SAMTOR: variants seen among roughly 807,000 people sequenced by gnomAD.
SAMTOR encodes UPF0532 protein C7orf60.
chr7:112,905,157 C>G, the SAMTOR span, among the ~76,000 whole-genome samples: 3 of 152,330 alleles, frequency 2.0e-5, no homozygotes, highest in Admixed American at 2.0e-4. Flanking sequence ...TTACTCTGCC[C>G]TGCCTTGGCT....
chr7:112,902,319 T>C, the SAMTOR span, among the ~76,000 whole-genome samples: 2 of 149,816 alleles, frequency 1.3e-5, no homozygotes, highest in Admixed American at 6.7e-5. Context: ...GAAAATTGCT[T>C]GAACCGGGAG....
At chr7:112,880,318 T>C in the SAMTOR span, among the ~76,000 whole-genome samples, 1 of 151,842 alleles carries the variant, frequency 6.6e-6, no homozygotes, top group Non-Finnish European at 1.5e-5. Context: ...ACATAGTAAT[T>C]CCCCCCAAAA....
At chr7:112,905,176 AAAAGGTC>A in the SAMTOR span, among the ~76,000 whole-genome samples, 2 of 152,236 alleles carry the variant, frequency 1.3e-5, no homozygotes, top group East Asian at 3.9e-4. Flanking sequence ...CTTTTCCATA[AAAAGGTC>A]AATAACAGCT....
the SAMTOR span, among the ~76,000 whole-genome samples, chr7:112,909,958 T>C: frequency 6.6e-6 from 1 of 151,774 alleles, no homozygotes; most frequent in African/African-American, 2.4e-5. Context: ...TATCCACATG[T>C]TACTTTTCAA....
chr7:112,912,548 A>T, the SAMTOR span, among the ~76,000 whole-genome samples: 4 of 152,114 alleles, frequency 2.6e-5, no homozygotes, highest in Non-Finnish European at 4.4e-5. Flanking sequence ...AAAAAGAGAA[A>T]AAAACTGCAT....
the SAMTOR span, among the ~76,000 whole-genome samples, chr7:112,884,229 T>C: frequency 6.6e-6 from 1 of 152,152 alleles, no homozygotes; most frequent in African/African-American, 2.4e-5. Context: ...AAGATGAGAT[T>C]TGGGTGGGGA....
chr7:112,906,950 C>T, the SAMTOR span, among the ~76,000 whole-genome samples: 1 of 152,060 alleles, frequency 6.6e-6, no homozygotes, highest in Non-Finnish European at 1.5e-5. Flanking sequence ...TTAATGTAAT[C>T]TCAATAAAAG....
chr7:112,902,738 T>C, the SAMTOR span, among the ~76,000 whole-genome samples: 1 of 151,998 alleles, frequency 6.6e-6, no homozygotes, highest in South Asian at 2.1e-4. Flanking sequence ...GATGGAGTGG[T>C]TGTATATGGG....
chr7:112,856,699 A>G, the SAMTOR span, among the ~76,000 whole-genome samples: 4 of 152,220 alleles, frequency 2.6e-5, no homozygotes, highest in Non-Finnish European at 1.5e-5. Context: ...ATCTCAAATA[A>G]TGTTCCTGTA....
the SAMTOR span, among the ~76,000 whole-genome samples, chr7:112,922,290 T>A: frequency 6.6e-6 from 1 of 152,188 alleles, no homozygotes; most frequent in East Asian, 1.9e-4. Context: ...TGCAGTGGCA[T>A]GATCTCGGCT....
the SAMTOR span, among the ~76,000 whole-genome samples, chr7:112,832,211 C>T: frequency 6.6e-6 from 1 of 151,956 alleles, no homozygotes; most frequent in East Asian, 1.9e-4. Context: ...GACGGGGTTT[C>T]ACCATGTTGG....
chr7:112,840,833 A>T, the SAMTOR span, among the ~76,000 whole-genome samples: 1 of 152,074 alleles, frequency 6.6e-6, no homozygotes, highest in African/African-American at 2.4e-5. Context: ...TAACAGAACC[A>T]CATGATTATT....
chr7:112,835,511 A>G, the SAMTOR span, among the ~76,000 whole-genome samples: 5 of 152,224 alleles, frequency 3.3e-5, no homozygotes, highest in African/African-American at 9.6e-5. Context: ...TTTTAGGTCC[A>G]GGGGTACATG....
the SAMTOR span, chr7:112,939,599 T>C: frequency 6.2e-7 from 1 of 1,613,870 alleles, no homozygotes; most frequent in Non-Finnish European, 8.5e-7. Context: ...ACCTTCTCGG[T>C]ACTTCTTGCG....
the SAMTOR span, among the ~76,000 whole-genome samples, chr7:112,831,250 T>C: frequency 1.3e-5 from 2 of 152,228 alleles, no homozygotes; most frequent in African/African-American, 4.8e-5. Flanking sequence ...GAATTAATGT[T>C]ATTCTGGAAA....
chr7:112,854,389 A>G, the SAMTOR span, among the ~76,000 whole-genome samples: 6 of 152,172 alleles, frequency 3.9e-5, no homozygotes, highest in African/African-American at 1.4e-4. Flanking sequence ...GTGGTGATCA[A>G]AGGTTACTTA....
At chr7:112,871,457 A>C in the SAMTOR span, among the ~76,000 whole-genome samples, 1 of 152,182 alleles carries the variant, frequency 6.6e-6, no homozygotes, top group Non-Finnish European at 1.5e-5. Flanking sequence ...ATAAATCAAA[A>C]ACTATTTGAA....
the SAMTOR span, among the ~76,000 whole-genome samples, chr7:112,887,620 T>C: frequency 2.0e-5 from 3 of 152,224 alleles, no homozygotes; most frequent in Non-Finnish European, 2.9e-5. Flanking sequence ...TCAATTTCTG[T>C]AATAGATATA....
chr7:112,937,813 C>G, the SAMTOR span, among the ~76,000 whole-genome samples: 2 of 149,106 alleles, frequency 1.3e-5, no homozygotes, highest in Admixed American at 1.4e-4. Flanking sequence ...TATTCTAGAT[C>G]TGGTAACTTC....
Sources: allele counts gnomAD v4.1 joint callset (sites outside exome capture counted in the v4.1 genomes callset), GRCh38; gene constraint gnomAD v4.1.1; transcripts MANE v1.5; gene names NCBI Gene and HGNC (gene_info 2026-07-23, HGNC 2026-07-21).